Variants in ADAM22 observed in about 807,000 individuals in gnomAD.
The protein encoded by ADAM22 is disintegrin and metalloproteinase domain-containing protein 22.
Under a neutral mutation model 144.6 loss-of-function variants are expected in ADAM22, and 65 were observed. The ratio of observed to expected loss-of-function variants is 0.45; its 90% CI spans 0.37 to 0.55. The LOEUF is 0.55. Among genes scored for constraint, ADAM22 ranks in the 20% least tolerant of loss-of-function variants. The probability of loss-of-function intolerance (pLI) is 0.00; values close to 1 mark genes in which losing one functional copy is unlikely to be tolerated. For missense variants in ADAM22, 974 were observed against 1,184.9 expected (o/e 0.82, Z 2.61); for synonymous variants, 391 against 412.6 (o/e 0.95, Z 0.63).
chr7:87,995,022 G>A (rs978825185), intron 3 of ADAM22, among the ~76,000 whole-genome samples: 1 of 152,034 alleles, frequency 6.6e-6, no homozygotes, highest in African/African-American at 2.4e-5. Context: ...AGTAGAGACG[G>A]GGTTTCACCG....
At chr7:88,068,154 C>T (rs1480615313) in intron 3 of ADAM22, among the ~76,000 whole-genome samples, 1 of 152,020 alleles carries the variant, frequency 6.6e-6, no homozygotes, top group Non-Finnish European at 1.5e-5. Context: ...TCAAAAGGAT[C>T]TGGAGGGTTG....
At chr7:87,976,344 G>C (rs537091449) in intron 2 of ADAM22, among the ~76,000 whole-genome samples, 131 of 152,244 alleles carry the variant, frequency 8.6e-4, no homozygotes, top group African/African-American at 3.0e-3. Flanking sequence ...ATAAGGGTGG[G>C]ACCCTAATCC....
chr7:88,012,558 G>A (rs1054604592), intron 3 of ADAM22, among the ~76,000 whole-genome samples: 1 of 152,134 alleles, frequency 6.6e-6, no homozygotes, highest in African/African-American at 2.4e-5. Context: ...TAATGTTCTT[G>A]TTTTAATTTT....
chr7:88,034,912 G>A (rs1475038076), intron 3 of ADAM22, among the ~76,000 whole-genome samples: 3 of 152,118 alleles, frequency 2.0e-5, no homozygotes. Flanking sequence ...GTTGCTGTTG[G>A]CAATTGAAGA....
intron 30 of ADAM22, 36 bp downstream of exon 30, chr7:88,186,737 C>A: frequency 7.7e-7 from 1 of 1,293,790 alleles, no homozygotes; most frequent in Non-Finnish European, 1.1e-6. Flanking sequence ...CCTTCTCAAA[C>A]TCTCCCAGCA....
intron 3 of ADAM22, among the ~76,000 whole-genome samples, chr7:87,990,684 A>G (rs745542013): frequency 1.3e-5 from 2 of 151,308 alleles, no homozygotes; most frequent in Admixed American, 6.6e-5. Context: ...TTTTTTTGAG[A>G]TAGAGTCTTG....
chr7:88,092,509 C>G (rs1820170139), intron 4 of ADAM22, among the ~76,000 whole-genome samples: 1 of 152,204 alleles, frequency 6.6e-6, no homozygotes, highest in Non-Finnish European at 1.5e-5. Flanking sequence ...CATTTAGTAT[C>G]TTCTGGATGA....
Position 87,984,637 on chromosome 7 carries a change from C to T in ADAM22, c.323+6225C>T, listed in dbSNP as rs557660834. On this transcript the variant is annotated intron_variant, in intron 3 of 31. Transcript: ENST00000413139. ...CGTTCCTATTCTTAAATCCTCTTTCCGAATCCTATTTTTATTTTTGGTTAT... is the reference window on the plus strand; with the variant it reads ...CGTTCCTATTCTTAAATCCTCTTTCTGAATCCTATTTTTATTTTTGGTTAT... 5.9e-5 allele frequency among the ~76,000 whole-genome samples: 9 copies of T among 152,192 alleles called. No homozygotes were observed. In the East Asian group the frequency reaches 7.7e-4, roughly 13 times the overall value.
chr7:88,082,872 A>G (rs1004001411), intron 4 of ADAM22, among the ~76,000 whole-genome samples: 47 of 152,238 alleles, frequency 3.1e-4, no homozygotes, highest in Non-Finnish European at 6.3e-4. Flanking sequence ...AAATAGGAAC[A>G]CTTTTACACT....
At chr7:88,159,714 T>C (rs532065644) in intron 22 of ADAM22, among the ~76,000 whole-genome samples, 96 of 152,276 alleles carry the variant, frequency 6.3e-4, no homozygotes, top group Middle Eastern at 3.4e-3. Context: ...CATCCTTTCA[T>C]GTTAAAAACT....
intron 3 of ADAM22, among the ~76,000 whole-genome samples, chr7:87,999,999 A>AG (rs1170895082): frequency 7.9e-5 from 12 of 152,064 alleles, no homozygotes; most frequent in African/African-American, 1.2e-4. Context: ...AAAAAAAAAA[A>AG]AAAAATTATT....
intron 3 of ADAM22, among the ~76,000 whole-genome samples, chr7:87,992,661 A>T (rs1026051980): frequency 2.6e-5 from 4 of 151,926 alleles, no homozygotes; most frequent in Non-Finnish European, 5.9e-5. Flanking sequence ...TTATTCATAA[A>T]TTTTTTTTCT....
intron 3 of ADAM22, among the ~76,000 whole-genome samples, chr7:88,061,182 A>G (rs1295278914): frequency 6.6e-6 from 1 of 152,146 alleles, no homozygotes; most frequent in Non-Finnish European, 1.5e-5. Context: ...CTACATGTCT[A>G]ATTCTAGTTA....
intron 3 of ADAM22, among the ~76,000 whole-genome samples, chr7:88,065,548 A>C (rs988660237): frequency 6.6e-6 from 1 of 152,090 alleles, no homozygotes; most frequent in South Asian, 2.1e-4. Context: ...AAGCACTGCT[A>C]GCGTCTTCAT....
chr7:88,057,052 A>G (rs528820237), intron 3 of ADAM22, among the ~76,000 whole-genome samples: 1 of 152,276 alleles, frequency 6.6e-6, no homozygotes, highest in African/African-American at 2.4e-5. Context: ...TAAAAGCTGT[A>G]TTGCTCAAAC....
At chr7:88,168,885 C>G (rs1843560974) in intron 25 of ADAM22, among the ~76,000 whole-genome samples, 1 of 152,090 alleles carries the variant, frequency 6.6e-6, no homozygotes, top group Non-Finnish European at 1.5e-5. Flanking sequence ...TGGGCATTAC[C>G]TCATTTCATA....
intron 4 of ADAM22, among the ~76,000 whole-genome samples, chr7:88,088,534 G>A (rs915725594): frequency 6.0e-5 from 9 of 149,930 alleles, no homozygotes; most frequent in African/African-American, 2.2e-4. Flanking sequence ...CACTAGTAGA[G>A]GACAGCTGTA....
chr7:88,075,752 T>G, intron 4 of ADAM22, 60 bp downstream of exon 4: 1 of 1,161,732 alleles, frequency 8.6e-7, no homozygotes, highest in South Asian at 1.3e-5. Context: ...TACTACTGAT[T>G]ATTATTTTAA....
intron 5 of ADAM22, among the ~76,000 whole-genome samples, chr7:88,112,819 C>T (rs6957754): frequency 0.39 from 59,002 of 152,002 alleles, 13,414 homozygotes; most frequent in East Asian, 0.84. Flanking sequence ...GTGATCCTCC[C>T]ACCTCAGCCT....
Sources: allele counts gnomAD v4.1 joint callset (sites outside exome capture counted in the v4.1 genomes callset), GRCh38; gene constraint gnomAD v4.1.1; transcripts MANE v1.5; gene names NCBI Gene and HGNC (gene_info 2026-07-23, HGNC 2026-07-21).